FHIT: variants seen among roughly 807,000 people sequenced by gnomAD.
FHIT encodes the protein fragile histidine triad diadenosine triphosphatase.
FHIT carries 19 observed loss-of-function variants against 17.9 expected under a neutral mutation model. The ratio of observed to expected loss-of-function variants is 1.06; its 90% CI spans 0.74 to 1.56. FHIT has a LOEUF of 1.56. FHIT is among the 40% of genes most tolerant of loss of function. FHIT has a pLI of 0.00. For missense variants in FHIT, 248 were observed against 189.2 expected (o/e 1.31, Z -1.82); for synonymous variants, 81 against 69.7 (o/e 1.16, Z -0.81).
chr3:59,759,369 A>C (rs1292612524), intron 8 of FHIT, among the ~76,000 whole-genome samples: 2 of 152,208 alleles, frequency 1.3e-5, no homozygotes, highest in Admixed American at 6.5e-5. Context: ...TGATGGCAAC[A>C]ATCAGAAGAG....
chr3:60,736,543 A>T (rs2042136705), intron 4 of FHIT, among the ~76,000 whole-genome samples: 1 of 152,222 alleles, frequency 6.6e-6, no homozygotes, highest in Non-Finnish European at 1.5e-5. Flanking sequence ...GCTAGTCACA[A>T]AGACCACATA....
chr3:60,097,490 G>A (rs537640971), intron 5 of FHIT, among the ~76,000 whole-genome samples: 1 of 152,168 alleles, frequency 6.6e-6, no homozygotes, highest in African/African-American at 2.4e-5. Context: ...TGAACTGTGT[G>A]AGCCCACTTA....
chr3:61,129,471 G>T (rs2036704804), intron 2 of FHIT, among the ~76,000 whole-genome samples: 2 of 152,304 alleles, frequency 1.3e-5, no homozygotes, highest in African/African-American at 4.8e-5. Context: ...ACTCAGGAAT[G>T]AATGAACCAG....
At position 59,882,825 on chromosome 3, in the gene FHIT, A is replaced by G. The variant is rs143193127; in HGVS notation, c.348+39521T>C. On this transcript the variant is annotated intron_variant, in intron 8 of 9. Transcript: ENST00000492590. Reference sequence around the variant, plus strand: ...GCCTTTGTCACTGAAGAAACATGGCATGTTCCTTAGTGTTGAACACATAAG... The same window carrying G: ...GCCTTTGTCACTGAAGAAACATGGCGTGTTCCTTAGTGTTGAACACATAAG... Among the ~76,000 whole-genome samples the G allele has an allele frequency of 1.8e-3, 275 of 152,350 alleles. 1 individual carries two copies. Among genetic ancestry groups the G allele is most frequent in the African/African-American group, 6.0e-3 (251 of 41,582 alleles).
chr3:60,526,258 C>A (rs2035571993), intron 5 of FHIT, among the ~76,000 whole-genome samples: 1 of 152,104 alleles, frequency 6.6e-6, no homozygotes, highest in African/African-American at 2.4e-5. Context: ...AATTAACAGA[C>A]ATGTTTTTTC....
chr3:60,075,349 C>T (rs1382842635), intron 5 of FHIT, among the ~76,000 whole-genome samples: 1 of 151,986 alleles, frequency 6.6e-6, no homozygotes, highest in Non-Finnish European at 1.5e-5. Context: ...AATGTAAGCA[C>T]CAGTGGGAAG....
chr3:59,932,399 A>C (rs189328252), intron 7 of FHIT, among the ~76,000 whole-genome samples: 1 of 152,342 alleles, frequency 6.6e-6, no homozygotes, highest in East Asian at 1.9e-4. Context: ...TGTAGGAAGA[A>C]AACATGCCTT....
At chr3:60,598,321 G>A (rs2038335146) in intron 4 of FHIT, among the ~76,000 whole-genome samples, 1 of 152,078 alleles carries the variant, frequency 6.6e-6, no homozygotes, top group African/African-American at 2.4e-5. Context: ...TATTTTTCAA[G>A]CTGTGTTTTC....
chr3:60,465,122 A>C (rs968646770), intron 5 of FHIT, among the ~76,000 whole-genome samples: 1 of 152,112 alleles, frequency 6.6e-6, no homozygotes, highest in Non-Finnish European at 1.5e-5. Context: ...TTCTCTGATG[A>C]TCAGTTATGT....
At chr3:61,052,521 C>T (rs2034065119) in intron 2 of FHIT, among the ~76,000 whole-genome samples, 1 of 152,198 alleles carries the variant, frequency 6.6e-6, no homozygotes, top group South Asian at 2.1e-4. Context: ...CCACACCCAC[C>T]TGCAGTCTAG....
chr3:59,805,090 T>A (rs577379275), intron 8 of FHIT, among the ~76,000 whole-genome samples: 2 of 152,080 alleles, frequency 1.3e-5, no homozygotes, highest in African/African-American at 4.8e-5. Context: ...TCTGTCTAGC[T>A]TGAAGCAGTG....
At chr3:61,093,792 G>A (rs372130942) in intron 2 of FHIT, among the ~76,000 whole-genome samples, 68 of 152,306 alleles carry the variant, frequency 4.5e-4, no homozygotes, top group East Asian at 3.5e-3. Flanking sequence ...TGCCCACTGC[G>A]TATAACCAGT....
intron 8 of FHIT, among the ~76,000 whole-genome samples, chr3:59,903,470 A>G (rs1481689969): frequency 6.6e-6 from 1 of 152,186 alleles, no homozygotes; most frequent in Non-Finnish European, 1.5e-5. Context: ...ACTATATGGA[A>G]AGTTCTTAGC....
chr3:61,005,996 G>T (rs2031421469), intron 3 of FHIT, among the ~76,000 whole-genome samples: 1 of 152,138 alleles, frequency 6.6e-6, no homozygotes, highest in Non-Finnish European at 1.5e-5. Context: ...GCAGGCAAGG[G>T]AAGGCAGCAG....
In FHIT at chr3:59,748,735, G is replaced by T. The variant is rs1260286592; in HGVS notation, c.*850C>A. Among the ~76,000 whole-genome samples the T allele has an allele frequency of 6.6e-6, 1 of 152,118 alleles. No individual in the cohort carries two copies. Among genetic ancestry groups the T allele is most frequent in the Non-Finnish European group, 1.5e-5 (1 of 68,010 alleles). ...ACAGACTAAGAGAATGGCCTTTAGGGTGGGACTGCCTGGATTCAAATCTGA... is the reference window on the plus strand; with the variant it reads ...ACAGACTAAGAGAATGGCCTTTAGGTTGGGACTGCCTGGATTCAAATCTGA... On this transcript the variant is annotated 3_prime_UTR_variant, in exon 10 of 10. Coordinates refer to ENST00000492590, the MANE Select transcript of FHIT (RefSeq NM_002012.4).
At chr3:61,162,898 T>A (rs768568525) in intron 2 of FHIT, among the ~76,000 whole-genome samples, 19 of 152,246 alleles carry the variant, frequency 1.2e-4, no homozygotes, top group Non-Finnish European at 2.1e-4. Context: ...TGGATTCTCT[T>A]TAGACTAGTT....
chr3:60,303,015 T>G lies in FHIT; in HGVS notation c.103+233845A>C, dbSNP rs1231836305. Reference sequence around the variant, plus strand: ...TCACAGTTATGAAAAACCTTTAATATTTTTGTTGCATGGGAATAAAGCTAG... The same window carrying G: ...TCACAGTTATGAAAAACCTTTAATAGTTTTGTTGCATGGGAATAAAGCTAG... On this transcript the variant is annotated intron_variant, in intron 5 of 9. Coordinates refer to ENST00000492590, the MANE Select transcript of FHIT (RefSeq NM_002012.4). Among the ~76,000 whole-genome samples, 5 of 152,146 alleles carry G rather than the reference T, an allele frequency of 3.3e-5. No homozygotes were observed. In the East Asian group the frequency reaches 9.6e-4, roughly 29 times the overall value.
chr3:60,640,020 C>T (rs1023916318), intron 4 of FHIT, among the ~76,000 whole-genome samples: 9 of 152,080 alleles, frequency 5.9e-5, no homozygotes, highest in African/African-American at 1.4e-4. Flanking sequence ...CTAAAGGAAG[C>T]GAGACACAAG....
At chr3:59,832,068 GC>G (rs999660282) in intron 8 of FHIT, among the ~76,000 whole-genome samples, 6 of 151,966 alleles carry the variant, frequency 3.9e-5, no homozygotes, top group African/African-American at 1.5e-4. Context: ...TGATCCACTT[GC>G]CCCCCCATGA....
Sources: allele counts gnomAD v4.1 joint callset (sites outside exome capture counted in the v4.1 genomes callset), GRCh38; gene constraint gnomAD v4.1.1; transcripts MANE v1.5; gene names NCBI Gene and HGNC (gene_info 2026-07-23, HGNC 2026-07-21).